Variants in CHRM3 observed in about 807,000 individuals in gnomAD.
CHRM3 encodes the protein muscarinic acetylcholine receptor M3.
In CHRM3, 11 loss-of-function variants were observed where a neutral mutation model predicts 41.8. That is an observed-to-expected ratio of 0.26 (90% CI 0.17 to 0.44). The LOEUF (loss-of-function observed/expected upper bound fraction) is 0.44, where lower values mean the gene tolerates loss of function less well. Among genes scored for constraint, CHRM3 ranks in the 20% least tolerant of loss-of-function variants. The pLI is 1.00. For missense variants in CHRM3, 571 were observed against 745.4 expected, an observed-to-expected ratio of 0.77 and a Z score of 2.72; for synonymous variants, 297 against 301.4, an observed-to-expected ratio of 0.99 and a Z score of 0.15.
At chr1:239,610,880 C>T (rs1042661698) in intron 3 of CHRM3, among the ~76,000 whole-genome samples, 1 of 152,098 alleles carries the variant, frequency 6.6e-6, no homozygotes, top group Non-Finnish European at 1.5e-5. Context: ...GGTGAAACCC[C>T]GTCTCTACTA....
intron 5 of CHRM3, among the ~76,000 whole-genome samples, chr1:239,741,714 A>G (rs190743011): frequency 4.6e-5 from 7 of 152,242 alleles, no homozygotes; most frequent in African/African-American, 1.7e-4. Context: ...CACCCACACT[A>G]CACACATATG....
chr1:239,551,994 G>A (rs553220584), intron 3 of CHRM3, among the ~76,000 whole-genome samples: 1 of 152,104 alleles, frequency 6.6e-6, no homozygotes, highest in East Asian at 1.9e-4. Flanking sequence ...GTATTCATCC[G>A]GTTGTGTAAC....
intron 4 of CHRM3, among the ~76,000 whole-genome samples, chr1:239,662,340 C>T (rs938777451): frequency 6.6e-5 from 10 of 152,192 alleles, no homozygotes; most frequent in African/African-American, 2.4e-4. Flanking sequence ...TTTGAAATGA[C>T]TGTACATGAT....
chr1:239,551,256 G>T (rs904752750), intron 3 of CHRM3, among the ~76,000 whole-genome samples: 1 of 138,402 alleles, frequency 7.2e-6, no homozygotes, highest in African/African-American at 2.8e-5. Flanking sequence ...TCCACCTCCC[G>T]GGTTCAAGTG....
At chr1:239,876,144 G>T (rs1677093216) in intron 6 of CHRM3, among the ~76,000 whole-genome samples, 1 of 152,096 alleles carries the variant, frequency 6.6e-6, no homozygotes, top group African/African-American at 2.4e-5. Context: ...TTAATCTCTC[G>T]TTCAGATCTT....
chr1:239,566,363 C>T (rs1661364217), intron 3 of CHRM3, among the ~76,000 whole-genome samples: 1 of 152,204 alleles, frequency 6.6e-6, no homozygotes, highest in African/African-American at 2.4e-5. Context: ...ACATTACTCA[C>T]TTTGGAATGC....
At chr1:239,471,643 C>A (rs1481002965) in intron 1 of CHRM3, among the ~76,000 whole-genome samples, 1 of 152,150 alleles carries the variant, frequency 6.6e-6, no homozygotes, top group Non-Finnish European at 1.5e-5. Context: ...CCCCTTCTCT[C>A]CTCTCCCACT....
At chr1:239,760,010 G>A (rs1209170569) in intron 5 of CHRM3, among the ~76,000 whole-genome samples, 4 of 151,862 alleles carry the variant, frequency 2.6e-5, no homozygotes, top group African/African-American at 9.7e-5. Context: ...TGCCTCCCGG[G>A]TTCACACCAT....
intron 1 of CHRM3, among the ~76,000 whole-genome samples, chr1:239,441,387 T>G (rs1663704421): frequency 1.3e-5 from 2 of 152,234 alleles, no homozygotes; most frequent in South Asian, 4.1e-4. Context: ...ACTAAGATGT[T>G]TTAATATCTT....
intron 5 of CHRM3, among the ~76,000 whole-genome samples, chr1:239,727,152 G>A (rs1476806913): frequency 6.6e-6 from 1 of 151,832 alleles, no homozygotes; most frequent in African/African-American, 2.4e-5. Flanking sequence ...TTGACACATA[G>A]TCCCTACCCA....
intron 2 of CHRM3, among the ~76,000 whole-genome samples, chr1:239,529,905 TA>T (rs890954891): frequency 4.0e-5 from 6 of 151,878 alleles, no homozygotes; most frequent in African/African-American, 9.7e-5. Flanking sequence ...TTATTATTAT[TA>T]TTTTTTTTTG....
At chr1:239,853,386 T>C (rs1674854951) in intron 6 of CHRM3, among the ~76,000 whole-genome samples, 1 of 152,020 alleles carries the variant, frequency 6.6e-6, no homozygotes, top group Non-Finnish European at 1.5e-5. Flanking sequence ...TGAAATAGTC[T>C]TGTTTTTTTC....
rs551829058 is a variant in CHRM3, at chr1:239,785,755, A to T, written c.-146-41497A>T. Among the ~76,000 whole-genome samples the T allele has an allele frequency of 1.2e-4, 18 of 152,284 alleles. No individual in the cohort carries two copies. In the South Asian group the frequency reaches 3.1e-3, roughly 26 times the overall value. Reference sequence around the variant, plus strand: ...GTTAGTTTCTTCGTGGAAAAAAAAAATGGGAGCTAAACTGACTGATGGAAG... The same window carrying T: ...GTTAGTTTCTTCGTGGAAAAAAAAATTGGGAGCTAAACTGACTGATGGAAG... On this transcript the variant is annotated intron_variant, in intron 5 of 6. Transcript: ENST00000676153.
intron 1 of CHRM3, among the ~76,000 whole-genome samples, chr1:239,490,542 G>A (rs1003425530): frequency 1.3e-5 from 2 of 151,826 alleles, no homozygotes; most frequent in Admixed American, 6.6e-5. Flanking sequence ...AATTGAATAC[G>A]TTCTGTTTCT....
At position 239,387,341 on chromosome 1, in the gene CHRM3, G is replaced by A. The variant is rs1423757955; in HGVS notation, c.-521+114G>A. 3 of 152,168 alleles carry A rather than the reference G, an allele frequency of 2.0e-5. No homozygotes were observed. Among genetic ancestry groups the A allele is most frequent in the African/African-American group, 7.2e-5 (3 of 41,408 alleles). 9.4% of individuals were successfully genotyped at this position (152,168 alleles called of 1,614,324 possible). Reference sequence around the variant, plus strand: ...GAGGAAAAAGTTTTCGGCGCGGGTAGGAGAGGTCTTGTGTTTGGAGTCCAA... The same window carrying A: ...GAGGAAAAAGTTTTCGGCGCGGGTAAGAGAGGTCTTGTGTTTGGAGTCCAA... On this transcript the variant is annotated intron_variant, in intron 1 of 6. Coordinates refer to ENST00000676153, the MANE Select transcript of CHRM3 (RefSeq NM_001375978.1). The surrounding 1 kb of genome is among the most constrained non-coding windows in gnomAD (Gnocchi z 5.1).
In CHRM3 at chr1:239,452,894, G is replaced by A. The variant is rs551962507; in HGVS notation, c.-520-39815G>A. ...GGGCTCACTGCAAGCTCCTCCTCCC[G>A]GGTTCACGCCATTCTCCTGCCTCAG... is the stretch of plus-strand genomic sequence containing the variant. On this transcript the variant is annotated intron_variant, in intron 1 of 6. Coordinates refer to ENST00000676153, the MANE Select transcript of CHRM3 (RefSeq NM_001375978.1). Among the ~76,000 whole-genome samples the A allele has an allele frequency of 1.2e-4, 19 of 152,094 alleles. No individual in the cohort carries two copies. The East Asian group carries it at 1.9e-3, about 15-fold the overall frequency.
chr1:239,425,717 T>C (rs10802767), intron 1 of CHRM3, among the ~76,000 whole-genome samples: 37,693 of 152,106 alleles, frequency 0.25, 4,879 homozygotes, highest in Middle Eastern at 0.35. Flanking sequence ...AATTAAATTA[T>C]CTCTAAATGA....
chr1:239,606,683 T>C (rs6429142), intron 3 of CHRM3, among the ~76,000 whole-genome samples: 142,583 of 152,286 alleles, frequency 0.94, 66,921 homozygotes, highest in Admixed American at 0.97. Flanking sequence ...AAACCTAAAG[T>C]CCTGAGTCCT....
At chr1:239,506,127 G>A (rs900954550) in intron 2 of CHRM3, among the ~76,000 whole-genome samples, 5 of 152,106 alleles carry the variant, frequency 3.3e-5, no homozygotes, top group Admixed American at 6.5e-5. Flanking sequence ...GCCTGGCAAT[G>A]AGATAGAAAA....
Sources: gnomAD v4.1 joint callset for allele counts (sites outside exome capture counted in the v4.1 genomes callset) on GRCh38, gnomAD v4.1.1 for gene constraint, Gnocchi (gnomAD v3.1) non-coding constraint, MANE v1.5 for transcripts, NCBI Gene and HGNC (gene_info 2026-07-23, HGNC 2026-07-21) for gene names.